SLC25A33: variants seen among roughly 807,000 people sequenced by gnomAD.
SLC25A33 encodes bone marrow stromal cell mitochondrial carrier protein.
SLC25A33 carries 15 observed loss-of-function variants against 35.5 expected under a neutral mutation model. The observed-to-expected ratio is 0.42, with a 90% CI of 0.28 to 0.65. The LOEUF is 0.65. Among genes scored for constraint, SLC25A33 ranks in the 30% least tolerant of loss-of-function variants. The pLI, the probability that SLC25A33 is intolerant of heterozygous loss-of-function variation, is 0.20. For synonymous variants in SLC25A33, 136 were observed against 148.7 expected (o/e 0.91, Z 0.62); for missense variants, 257 against 398.5 (o/e 0.64, Z 3.02).
intron 5 of SLC25A33, among the ~76,000 whole-genome samples, chr1:9,577,303 C>G (rs900560807): frequency 6.6e-6 from 1 of 152,036 alleles, no homozygotes; most frequent in Non-Finnish European, 1.5e-5. Context: ...CAAAAATTAG[C>G]CGGGTGTGGT....
rs1325563798 is a variant in SLC25A33, at chr1:9,584,874, C to A, written c.*2373C>A. On this transcript the variant is annotated 3_prime_UTR_variant, in exon 7 of 7. Transcript: ENST00000302692. ...GGACCACAGGAAAGTACCACCATGC[C>A]CAGCTAATGTTTTTTCATTTTTTGT... is the stretch of plus-strand genomic sequence containing the variant. 2.0e-5 allele frequency: 3 copies of A among 152,194 alleles called. No individual in the cohort carries two copies. Among genetic ancestry groups the A allele is most frequent in the Non-Finnish European group, 4.4e-5 (3 of 68,038 alleles). The allele number at this position is 152,194 out of a possible 1,614,324, so 9.4% of individuals were successfully genotyped here.
At chr1:9,553,203 G>GTTTTTT (rs550067186) in intron 1 of SLC25A33, among the ~76,000 whole-genome samples, 13 of 56,436 alleles carry the variant, frequency 2.3e-4, no homozygotes, top group Non-Finnish European at 3.2e-4. Flanking sequence ...TTCTAGTTTT[G>GTTTTTT]TTTTTTTTTT....
chr1:9,570,393 C>A, intron 4 of SLC25A33, 35 bp downstream of exon 4: 1 of 1,553,308 alleles, frequency 6.4e-7, no homozygotes, highest in Non-Finnish European at 8.9e-7. Context: ...GAGGGTCTCT[C>A]TCTCACTTTT....
Position 9,578,704 on chromosome 1 carries a change from C to T in SLC25A33, c.483-1250C>T, listed in dbSNP as rs915069328. On this transcript the variant is annotated intron_variant, in intron 5 of 6. Coordinates refer to ENST00000302692, the MANE Select transcript of SLC25A33 (RefSeq NM_032315.3). The surrounding 1 kb of genome is among the most constrained non-coding windows in gnomAD (Gnocchi z 4.3). ...CAGGCTGGTCTTGAACTCCTGGCCT[C>T]AAGCAGTCCTCCCGCCTTGGCCTCC... 1.3e-5 allele frequency among the ~76,000 whole-genome samples: 2 copies of T among 152,180 alleles called. No homozygotes were observed. The highest frequency in any genetic ancestry group is 4.8e-5 in the African/African-American group (2 of 41,430).
At position 9,553,052 on chromosome 1, in the gene SLC25A33, C is replaced by T. The variant is rs150424770; in HGVS notation, c.57-574C>T. ...GATTACAGGCATGCACCACCATGCC[C>T]GGCTAATTTTTGTATTTTTAGTAGA... is the stretch of plus-strand genomic sequence containing the variant. On this transcript the variant is annotated intron_variant, in intron 1 of 6. Transcript: ENST00000302692. 0.02 allele frequency among the ~76,000 whole-genome samples: 3,082 copies of T among 150,670 alleles called. 230 individuals carry two copies. In the East Asian group the frequency reaches 0.24, roughly 12 times the overall value.
intron 1 of SLC25A33, among the ~76,000 whole-genome samples, chr1:9,541,309 A>G (rs1643077291): frequency 6.6e-6 from 1 of 152,020 alleles, no homozygotes; most frequent in Non-Finnish European, 1.5e-5. Flanking sequence ...ACCCGCCACT[A>G]CGCCCAGCTT....
intron 5 of SLC25A33, among the ~76,000 whole-genome samples, chr1:9,575,007 A>T (rs1336917347): frequency 6.6e-6 from 1 of 151,288 alleles, no homozygotes; most frequent in East Asian, 1.9e-4. Flanking sequence ...AGGTCAGGAG[A>T]TCGAGACCAA....
intron 3 of SLC25A33, among the ~76,000 whole-genome samples, chr1:9,568,067 A>T (rs142520238): frequency 6.6e-6 from 1 of 152,234 alleles, no homozygotes; most frequent in Admixed American, 6.5e-5. Flanking sequence ...TCTTGGATAG[A>T]TAGGATAGAG....
chr1:9,554,442 C>CTCTG (rs1381937916), intron 2 of SLC25A33, among the ~76,000 whole-genome samples: 1 of 152,240 alleles, frequency 6.6e-6, no homozygotes, highest in African/African-American at 2.4e-5. Flanking sequence ...TCACCGCAAC[C>CTCTG]TCTGCCTCCT....
rs1184124613 is a variant in SLC25A33, at chr1:9,584,206, CA to C, written c.*1706del. The C allele has an allele frequency of 6.6e-6, 1 of 152,154 alleles. No individual in the cohort carries two copies. The highest frequency in any genetic ancestry group is 1.5e-5 in the Non-Finnish European group (1 of 68,022). 9.4% of individuals were successfully genotyped at this position (152,154 alleles called of 1,614,324 possible). On this transcript the variant is annotated 3_prime_UTR_variant, in exon 7 of 7. Transcript: ENST00000302692. ...TTCTAATACCTATGCACTGTAGTTT[CA>C]GGTTTACTTGCAGACACCCTGGTAG...
chr1:9,577,511 G>A lies in SLC25A33; in HGVS notation c.483-2443G>A, dbSNP rs1405346113. ...TGAAAAAAGGAAAAAAGAAAAGAAA[G>A]CATGGTTAGTTCTGGGGAGCCGTAA... On this transcript the variant is annotated intron_variant, in intron 5 of 6. Coordinates refer to ENST00000302692, the MANE Select transcript of SLC25A33 (RefSeq NM_032315.3). Among the ~76,000 whole-genome samples, 4 of 152,236 alleles carry A rather than the reference G, an allele frequency of 2.6e-5. No homozygotes were observed. The East Asian group carries it at 7.7e-4, about 29-fold the overall frequency.
chr1:9,553,040 C>T (rs1298789565), intron 1 of SLC25A33, among the ~76,000 whole-genome samples: 12 of 148,682 alleles, frequency 8.1e-5, no homozygotes, highest in African/African-American at 3.0e-4. Context: ...TACAGGCATG[C>T]ACCACCATGC....
intron 2 of SLC25A33, among the ~76,000 whole-genome samples, chr1:9,562,063 A>G (rs1643431035): frequency 6.6e-6 from 1 of 151,066 alleles, no homozygotes; most frequent in African/African-American, 2.4e-5. Context: ...AAAAAAAAAA[A>G]AGGGGCAATA....
rs1421467025 is a variant in SLC25A33, at chr1:9,564,737, AAAAT to A, written c.237-2545_237-2542del. ...CCTCGTCTCTATTTAAAAAAAAAAAAAAATATATATATATATATATATATATATA... is the reference window on the plus strand; with the variant it reads ...CCTCGTCTCTATTTAAAAAAAAAAAAATATATATATATATATATATATATA... On this transcript the variant is annotated intron_variant, in intron 2 of 6. Coordinates refer to ENST00000302692, the MANE Select transcript of SLC25A33 (RefSeq NM_032315.3). Among the ~76,000 whole-genome samples the A allele has an allele frequency of 3.6e-4, 26 of 72,726 alleles. No homozygotes were observed. In the East Asian group the frequency reaches 7.8e-3, roughly 22 times the overall value. The allele number at this position is 72,726 out of a possible 152,430, so 47.7% of individuals were successfully genotyped here. A position where few individuals can be genotyped will look rare whatever the true frequency, so the allele number is the denominator to read the frequency against.
In SLC25A33 at chr1:9,582,666, G is replaced by T; in HGVS notation, c.*165G>T. The stretch of plus-strand genomic sequence containing the variant: ...CCTTTTGGATTCATGCTTTCTGGAA[G>T]GTTTAAATTCATTAACGTTAATAGT... On this transcript the variant is annotated 3_prime_UTR_variant, in exon 7 of 7. Coordinates refer to ENST00000302692, the MANE Select transcript of SLC25A33 (RefSeq NM_032315.3). The surrounding 1 kb of genome is among the most constrained non-coding windows in gnomAD (Gnocchi z 4.0). 2.9e-6 allele frequency: 2 copies of T among 683,878 alleles called. No homozygotes were observed. The highest frequency in any genetic ancestry group is 2.8e-5 in the East Asian group (1 of 35,830). 42.4% of individuals were successfully genotyped at this position (683,878 alleles called of 1,614,324 possible).
At chr1:9,558,569 C>T (rs1478824152) in intron 2 of SLC25A33, among the ~76,000 whole-genome samples, 4 of 152,196 alleles carry the variant, frequency 2.6e-5, no homozygotes, top group Non-Finnish European at 5.9e-5. Context: ...ACCTACTGCT[C>T]CCAGAGTCTT....
intron 2 of SLC25A33, among the ~76,000 whole-genome samples, chr1:9,563,555 G>A (rs1262646572): frequency 6.6e-6 from 1 of 152,062 alleles, no homozygotes; most frequent in African/African-American, 2.4e-5. Flanking sequence ...AGCTTAATTT[G>A]GGAAACTTTC....
chr1:9,554,556 T>A (rs989883097), intron 2 of SLC25A33, among the ~76,000 whole-genome samples: 18 of 151,312 alleles, frequency 1.2e-4, no homozygotes, highest in African/African-American at 4.1e-4. Flanking sequence ...ATGGAGTTTC[T>A]CCATGTTGGC....
intron 1 of SLC25A33, among the ~76,000 whole-genome samples, chr1:9,544,646 G>A (rs773605321): frequency 1.1e-4 from 16 of 152,114 alleles, no homozygotes; most frequent in East Asian, 1.9e-4. Flanking sequence ...TAAATAGCAC[G>A]ATAGAGGTAG....
Sources: allele counts gnomAD v4.1 joint callset (sites outside exome capture counted in the v4.1 genomes callset), GRCh38; gene constraint gnomAD v4.1.1; non-coding constraint Gnocchi (gnomAD v3.1); transcripts MANE v1.5; gene names NCBI Gene and HGNC (gene_info 2026-07-23, HGNC 2026-07-21).